PIEZO2: variants seen among roughly 807,000 people sequenced by gnomAD.
PIEZO2 encodes the protein piezo-type mechanosensitive ion channel component 2.
In PIEZO2, 172 loss-of-function variants were observed where a neutral mutation model predicts 337.3. The ratio of observed to expected loss-of-function variants is 0.51; its 90% CI spans 0.45 to 0.58. The LOEUF (loss-of-function observed/expected upper bound fraction) is 0.58. PIEZO2 is among the 20% of genes least tolerant of loss of function. PIEZO2 has a pLI of 0.00. For missense variants in PIEZO2, 3,028 were observed against 3,391.3 expected (o/e 0.89, Z 2.66); for synonymous variants, 1,251 against 1,228.5 (o/e 1.02, Z -0.38).
chr18:10,857,965 C>T (rs2041755072), intron 5 of PIEZO2, among the ~76,000 whole-genome samples: 1 of 150,902 alleles, frequency 6.6e-6, no homozygotes, highest in East Asian at 1.9e-4. Flanking sequence ...GAATATTTCC[C>T]TAGAAGGGTT....
chr18:11,042,152 T>C (rs1034339364), intron 2 of PIEZO2, among the ~76,000 whole-genome samples: 2 of 152,152 alleles, frequency 1.3e-5, no homozygotes, highest in Admixed American at 6.5e-5. Context: ...TTCATTGAGG[T>C]CACACAAGGA....
rs77438381 is a variant in PIEZO2 at position 10,806,900 on chromosome 18, C to A, written c.1080+212G>T. 0.024 allele frequency among the ~76,000 whole-genome samples: 3,603 copies of A among 152,224 alleles called. 141 individuals are homozygous for A. The highest frequency in any genetic ancestry group is 0.083 in the African/African-American group (3,458 of 41,526). ...TCTCACTGCCTGCCATTCTTACCAG[C>A]AGTTTGTGGTAGTAAAGGGAAGCTA... On this transcript the variant is annotated intron_variant, in intron 8 of 55. Transcript: ENST00000674853.
chr18:10,900,841 C>A (rs1269807963), intron 4 of PIEZO2, among the ~76,000 whole-genome samples: 2 of 152,220 alleles, frequency 1.3e-5, no homozygotes, highest in Non-Finnish European at 2.9e-5. Flanking sequence ...CCACAACCTT[C>A]ATTTTTGCCT....
intron 2 of PIEZO2, among the ~76,000 whole-genome samples, chr18:11,018,191 A>ATGGTGGTGGTGG (rs759749235): frequency 7.0e-6 from 1 of 143,120 alleles, no homozygotes. Context: ...CAGTCATCGC[A>ATGGTGGTGGTGG]TGGTGGTGGT....
At chr18:10,995,073 G>A (rs1037667477) in intron 2 of PIEZO2, among the ~76,000 whole-genome samples, 5 of 32,718 alleles carry the variant, frequency 1.5e-4, no homozygotes, top group African/African-American at 5.2e-4. Flanking sequence ...GTGAGACTCC[G>A]TCTCAAAAAA....
chr18:10,820,257 A>G (rs903704580), intron 7 of PIEZO2, among the ~76,000 whole-genome samples: 8 of 151,848 alleles, frequency 5.3e-5, no homozygotes, highest in African/African-American at 1.9e-4. Context: ...TTCTTAATAT[A>G]CATTTGTCTA....
At position 10,894,013 on chromosome 18, in the gene PIEZO2, A is replaced by G. The variant is rs2042827026; in HGVS notation, c.329+17173T>C. Among the ~76,000 whole-genome samples, 1 of 152,104 alleles carries G rather than the reference A, an allele frequency of 6.6e-6. No individual in the cohort carries two copies. Among genetic ancestry groups the G allele is most frequent in the South Asian group, 2.1e-4 (1 of 4,826 alleles). On this transcript the variant is annotated intron_variant, in intron 4 of 55. Coordinates refer to ENST00000674853, the MANE Select transcript of PIEZO2 (RefSeq NM_001378183.1). This position sits in a 1 kb window ranked among gnomAD's most constrained non-coding sequence, Gnocchi z 4.1. ...TCAGATGATGGTCAGGTGGTTGTTA[A>G]CTGTCTCTTTAAAATAGTAATTGGT...
At chr18:11,071,987 T>TCTGC (rs1272695059) in intron 1 of PIEZO2, among the ~76,000 whole-genome samples, 4 of 146,728 alleles carry the variant, frequency 2.7e-5, no homozygotes, top group African/African-American at 7.3e-5. Flanking sequence ...ATCACCTGCA[T>TCTGC]CTGCCCTGTC....
At chr18:10,796,154 G>T (rs2039588290) in intron 12 of PIEZO2, among the ~76,000 whole-genome samples, 1 of 151,936 alleles carries the variant, frequency 6.6e-6, no homozygotes, top group Non-Finnish European at 1.5e-5. Flanking sequence ...CATGAGGCCA[G>T]GAGATCGAGA....
intron 3 of PIEZO2, among the ~76,000 whole-genome samples, chr18:10,932,141 T>C (rs1273349326): frequency 1.3e-5 from 2 of 152,228 alleles, no homozygotes; most frequent in East Asian, 3.8e-4. Flanking sequence ...CAATATCATA[T>C]GACTAAACAT....
intron 18 of PIEZO2, among the ~76,000 whole-genome samples, chr18:10,778,612 G>A (rs965872725): frequency 6.6e-6 from 1 of 151,986 alleles, no homozygotes; most frequent in Admixed American, 6.5e-5. Flanking sequence ...GATTACAGGC[G>A]TGAGCCACCA....
intron 2 of PIEZO2, among the ~76,000 whole-genome samples, chr18:11,051,365 G>GTGTA (rs1216857469): frequency 1.3e-5 from 2 of 150,976 alleles, no homozygotes; most frequent in African/African-American, 4.9e-5. Context: ...GTGTGTGTGT[G>GTGTA]TGTGGGTGTG....
rs2144667169 is a variant in PIEZO2, at chr18:10,850,932, G to A, written c.917+4421C>T. ...TCAATTCAATATTTCTAAAAATAAG[G>A]TTAATTCTCACCAGAGAGCACATTT... On this transcript the variant is annotated intron_variant, in intron 7 of 55. Transcript: ENST00000674853. This position sits in a 1 kb window ranked among gnomAD's most constrained non-coding sequence, Gnocchi z 4.5. Among the ~76,000 whole-genome samples the A allele has an allele frequency of 6.6e-6, 1 of 152,170 alleles. No homozygotes were observed. The highest frequency in any genetic ancestry group is 2.4e-5 in the African/African-American group (1 of 41,544).
At chr18:10,972,328 A>T (rs264237) in intron 3 of PIEZO2, among the ~76,000 whole-genome samples, 75,858 of 151,860 alleles carry the variant, frequency 0.5, 19,126 homozygotes, top group Middle Eastern at 0.54. Context: ...AATAGTGAAT[A>T]ATATATTTAT....
chr18:10,690,789 G>C (rs913181809), intron 48 of PIEZO2, among the ~76,000 whole-genome samples: 1 of 152,198 alleles, frequency 6.6e-6, no homozygotes, highest in African/African-American at 2.4e-5. Flanking sequence ...ATTCAGGTTG[G>C]TGTTAGGCAG....
rs2038280941 is a variant in PIEZO2, at chr18:11,069,988, A to G, written c.65-3766T>C. On this transcript the variant is annotated intron_variant, in intron 1 of 55. Coordinates refer to ENST00000674853, the MANE Select transcript of PIEZO2 (RefSeq NM_001378183.1). This position sits in a 1 kb window ranked among gnomAD's most constrained non-coding sequence, Gnocchi z 4.9. ...GAAAGACCTATAAATGGAAGAATATAAAACATTGATAATAGAAATTGAAGA... is the reference window on the plus strand; with the variant it reads ...GAAAGACCTATAAATGGAAGAATATGAAACATTGATAATAGAAATTGAAGA... 6.6e-6 allele frequency among the ~76,000 whole-genome samples: 1 copy of G among 152,256 alleles called. No homozygotes were observed. The highest frequency in any genetic ancestry group is 2.4e-5 in the African/African-American group (1 of 41,468).
chr18:11,145,279 C>T (rs2040779960), intron 1 of PIEZO2, among the ~76,000 whole-genome samples: 1 of 152,130 alleles, frequency 6.6e-6, no homozygotes, highest in Non-Finnish European at 1.5e-5. Context: ...GCTTTTAACA[C>T]TCACGAATCA....
intron 1 of PIEZO2, among the ~76,000 whole-genome samples, chr18:11,068,316 T>C (rs1235143658): frequency 6.6e-6 from 1 of 152,078 alleles, no homozygotes; most frequent in Non-Finnish European, 1.5e-5. Context: ...AAAACTGAAA[T>C]CATATCAAGT....
intron 4 of PIEZO2, among the ~76,000 whole-genome samples, chr18:10,904,966 C>G (rs983439144): frequency 6.6e-6 from 1 of 152,026 alleles, no homozygotes; most frequent in Non-Finnish European, 1.5e-5. Flanking sequence ...CAAATATAGC[C>G]CAGGGGTGGG....
Sources: allele counts gnomAD v4.1 joint callset (sites outside exome capture counted in the v4.1 genomes callset), GRCh38; gene constraint gnomAD v4.1.1; non-coding constraint Gnocchi (gnomAD v3.1); transcripts MANE v1.5; gene names NCBI Gene and HGNC (gene_info 2026-07-23, HGNC 2026-07-21).